The following DRD3 variants were observed in gnomAD, a reference collection of about 807,000 sequenced individuals.
DRD3 encodes the protein D(3) dopamine receptor.
In DRD3, 19 loss-of-function variants were observed where a neutral mutation model predicts 36.3. The ratio of observed to expected loss-of-function variants is 0.52; its 90% CI spans 0.36 to 0.77. The LOEUF (loss-of-function observed/expected upper bound fraction) is 0.77. Among genes scored for constraint, DRD3 ranks in the 30% least tolerant of loss-of-function variants. The pLI is 0.00. For missense variants in DRD3, 465 were observed against 505.3 expected (o/e 0.92, Z 0.77); for synonymous variants, 195 against 203.7 (o/e 0.96, Z 0.36).
intron 1 of DRD3, among the ~76,000 whole-genome samples, chr3:114,197,277 A>ATTTTTTTTT (rs58452737): frequency 4.5e-5 from 4 of 89,368 alleles, no homozygotes; most frequent in African/African-American, 4.7e-5. Context: ...AATTAAAAAA[A>ATTTTTTTTT]TTTTTTTTTT....
chr3:114,168,900 C>T (rs1474571464), intron 2 of DRD3, among the ~76,000 whole-genome samples: 2 of 152,046 alleles, frequency 1.3e-5, no homozygotes, highest in African/African-American at 4.8e-5. Flanking sequence ...TGGATGTGTT[C>T]AAATCAAAGC....
chr3:114,190,502 T>A (rs1311543123), intron 1 of DRD3, among the ~76,000 whole-genome samples: 2 of 74,606 alleles, frequency 2.7e-5, no homozygotes, highest in African/African-American at 5.1e-5. Context: ...TTTTTTTTTT[T>A]ACAGAGCAAA....
intron 1 of DRD3, among the ~76,000 whole-genome samples, chr3:114,195,464 T>C (rs2107907967): frequency 6.6e-6 from 1 of 152,250 alleles, no homozygotes; most frequent in South Asian, 2.1e-4. Context: ...AATCACATAG[T>C]AAAATGTATA....
chr3:114,140,500 CA>C (rs2107839172), intron 4 of DRD3, among the ~76,000 whole-genome samples: 1 of 152,270 alleles, frequency 6.6e-6, no homozygotes, highest in African/African-American at 2.4e-5. Context: ...AAAAGAAAAG[CA>C]AACTAATATC....
At chr3:114,175,997 C>G (rs934179697) in intron 1 of DRD3, 1 of 152,176 alleles carries the variant, frequency 6.6e-6, no homozygotes, top group Non-Finnish European at 1.5e-5. Flanking sequence ...GTTCTGGCAT[C>G]TCTTAGAGTG....
At chr3:114,137,409 C>T (rs575564190) in intron 5 of DRD3, among the ~76,000 whole-genome samples, 3 of 152,340 alleles carry the variant, frequency 2.0e-5, no homozygotes, top group East Asian at 3.9e-4. Flanking sequence ...GAATGCAATA[C>T]TTTCATATCC....
At chr3:114,142,980 C>T (rs2077539652) in intron 4 of DRD3, among the ~76,000 whole-genome samples, 1 of 152,218 alleles carries the variant, frequency 6.6e-6, no homozygotes, top group Non-Finnish European at 1.5e-5. Context: ...AGGCCTGGCC[C>T]TGGGTGTGTG....
rs2077394733 is a variant in DRD3, at chr3:114,128,182, A to C, written c.*534T>G. On this transcript the variant is annotated 3_prime_UTR_variant, in exon 7 of 7. Transcript: ENST00000383673. ...CACCTCACCAAATGTAGCCCATCGG[A>C]TTCTACAGAGAGGTAGAAGCACTGG... Among the ~76,000 whole-genome samples, 1 of 152,214 alleles carries C rather than the reference A, an allele frequency of 6.6e-6. No homozygotes were observed. The highest frequency in any genetic ancestry group is 2.4e-5 in the African/African-American group (1 of 41,460).
At position 114,172,001 on chromosome 3, in the gene DRD3, G is replaced by C. The variant is rs1441558372; in HGVS notation, c.-9C>G. 7.0e-7 allele frequency: 1 copy of C among 1,433,860 alleles called. No individual in the cohort carries two copies. The highest frequency in any genetic ancestry group is 1.4e-5 in the African/African-American group (1 of 69,090). 88.8% of individuals were successfully genotyped at this position (1,433,860 alleles called of 1,614,324 possible). On this transcript the variant is annotated 5_prime_UTR_variant, in exon 2 of 7. Coordinates refer to ENST00000383673, the MANE Select transcript of DRD3 (RefSeq NM_000796.6). Reference sequence around the variant, plus strand: ...TGGCTCAGAGATGCCATAGCCCAGAGGGAGGTGCGTGATGCCAAGGGGCTT... The same window carrying C: ...TGGCTCAGAGATGCCATAGCCCAGACGGAGGTGCGTGATGCCAAGGGGCTT...
intron 4 of DRD3, among the ~76,000 whole-genome samples, chr3:114,141,902 T>A (rs774317056): frequency 2.0e-5 from 3 of 151,778 alleles, no homozygotes; most frequent in Non-Finnish European, 4.4e-5. Flanking sequence ...ATACAAAAGT[T>A]AGCCGGTGTG....
chr3:114,162,955 C>T (rs77489111), intron 2 of DRD3, among the ~76,000 whole-genome samples: 9,914 of 152,234 alleles, frequency 0.065, 371 homozygotes, highest in South Asian at 0.1. Context: ...GTAAGTGCTG[C>T]CTTTGGGGTT....
At chr3:114,166,860 C>T (rs766665161) in intron 2 of DRD3, among the ~76,000 whole-genome samples, 1 of 152,156 alleles carries the variant, frequency 6.6e-6, no homozygotes, top group Non-Finnish European at 1.5e-5. Context: ...AAATAATCTC[C>T]AAGCCCTTCC....
intron 1 of DRD3, among the ~76,000 whole-genome samples, chr3:114,198,713 A>C (rs2078049736): frequency 6.6e-6 from 1 of 152,082 alleles, no homozygotes; most frequent in African/African-American, 2.4e-5. Context: ...ACACACCGCT[A>C]CACTTAATTT....
rs141665419 is a variant in DRD3, at chr3:114,142,107, A to G, written c.527-2411T>C. On this transcript the variant is annotated intron_variant, in intron 4 of 6. Coordinates refer to ENST00000383673, the MANE Select transcript of DRD3 (RefSeq NM_000796.6). ...AGAAAATGGCTCATAGGCTCTGTGT[A>G]GTTCACCAAATTGGCATCTGCTGGT... Among the ~76,000 whole-genome samples, 561 of 150,282 alleles carry G rather than the reference A, an allele frequency of 3.7e-3. 6 individuals are homozygous for G. The highest frequency in any genetic ancestry group is 0.013 in the African/African-American group (533 of 41,140).
chr3:114,171,457 A>G (rs916121952), intron 2 of DRD3, among the ~76,000 whole-genome samples: 1 of 152,156 alleles, frequency 6.6e-6, no homozygotes, highest in Non-Finnish European at 1.5e-5. Flanking sequence ...TATTAGGAAG[A>G]GTCCCGTCAC....
chr3:114,140,037 G>C (rs1469887027), intron 4 of DRD3, among the ~76,000 whole-genome samples: 1 of 152,236 alleles, frequency 6.6e-6, no homozygotes, highest in African/African-American at 2.4e-5. Context: ...GTGTCACACA[G>C]AGACATGCAG....
chr3:114,139,778 G>C lies in DRD3; in HGVS notation c.527-82C>G, dbSNP rs145335342. 2.2e-6 allele frequency: 3 copies of C among 1,354,924 alleles called. No homozygotes were observed. In the East Asian group the frequency reaches 7.0e-5, roughly 32 times the overall value. 83.9% of individuals were successfully genotyped at this position (1,354,924 alleles called of 1,614,324 possible). A position where few individuals can be genotyped will look rare whatever the true frequency, so the allele number is the denominator to read the frequency against. ...AGCATAAAACACGGCTCCATGTCAC[G>C]TGTGGTGCCTGCACTTTCTGCTGCA... On this transcript the variant is annotated intron_variant, in intron 4 of 6. Coordinates refer to ENST00000383673, the MANE Select transcript of DRD3 (RefSeq NM_000796.6).
intron 3 of DRD3, among the ~76,000 whole-genome samples, chr3:114,149,536 C>T (rs1190848142): frequency 6.6e-6 from 1 of 152,172 alleles, no homozygotes. Context: ...AGATTTCTGC[C>T]ACGTATAATC....
chr3:114,142,793 G>A (rs1474851326), intron 4 of DRD3, among the ~76,000 whole-genome samples: 1 of 152,170 alleles, frequency 6.6e-6, no homozygotes, highest in African/African-American at 2.4e-5. Context: ...AGTCAACGAA[G>A]GCTCTCACAT....
Sources: allele counts gnomAD v4.1 joint callset (sites outside exome capture counted in the v4.1 genomes callset), GRCh38; gene constraint gnomAD v4.1.1; transcripts MANE v1.5; gene names NCBI Gene and HGNC (gene_info 2026-07-23, HGNC 2026-07-21).